The following DNM3 variants were observed in gnomAD, a reference collection of about 807,000 sequenced individuals.
The protein encoded by DNM3 is dynamin 3.
In DNM3, 47 loss-of-function variants were observed where a neutral mutation model predicts 101.6. The ratio of observed to expected loss-of-function variants is 0.46; its 90% CI spans 0.37 to 0.59. DNM3 has a LOEUF of 0.59. Among genes scored for constraint, DNM3 ranks in the 20% least tolerant of loss-of-function variants. The pLI is 0.00. For missense variants in DNM3, 849 were observed against 1,085.7 expected (o/e 0.78, Z 3.06); for synonymous variants, 385 against 387.9 (o/e 0.99, Z 0.09).
At chr1:171,973,444 AT>A (rs1406694814) in intron 2 of DNM3, among the ~76,000 whole-genome samples, 1 of 152,036 alleles carries the variant, frequency 6.6e-6, no homozygotes, top group Non-Finnish European at 1.5e-5. Flanking sequence ...AAATGCCTTC[AT>A]TCATATATTC....
intron 6 of DNM3, among the ~76,000 whole-genome samples, chr1:172,034,218 T>C (rs1422912737): frequency 6.6e-6 from 1 of 152,148 alleles, no homozygotes; most frequent in East Asian, 1.9e-4. Flanking sequence ...TACAGACTAT[T>C]GTAAAGTTTA....
chr1:172,367,869 A>G (rs1389032932), intron 17 of DNM3, among the ~76,000 whole-genome samples: 1 of 151,770 alleles, frequency 6.6e-6, no homozygotes, highest in Non-Finnish European at 1.5e-5. Flanking sequence ...CTTGGGAGGG[A>G]CCTGGTAGAA....
At chr1:172,197,247 A>T (rs933791246) in intron 14 of DNM3, among the ~76,000 whole-genome samples, 1 of 151,624 alleles carries the variant, frequency 6.6e-6, no homozygotes, top group African/African-American at 2.4e-5. Context: ...CTGGCTTTCT[A>T]TTCTGTTCCA....
intron 14 of DNM3, among the ~76,000 whole-genome samples, chr1:172,210,341 CT>C (rs2060472792): frequency 1.4e-5 from 1 of 73,364 alleles, no homozygotes; most frequent in Non-Finnish European, 2.6e-5. Context: ...TTTTTTTTGC[CT>C]GTTTGCGTTC....
intron 18 of DNM3, among the ~76,000 whole-genome samples, chr1:172,381,319 G>A (rs960928214): frequency 6.6e-6 from 1 of 152,038 alleles, no homozygotes; most frequent in Non-Finnish European, 1.5e-5. Flanking sequence ...TAATAGGAAT[G>A]TGGAGAAGGC....
In DNM3 at chr1:172,387,191, A is replaced by T. The variant is rs2069231162; in HGVS notation, c.2117A>T (p.Asn706Ile). 1.2e-6 allele frequency: 2 copies of T among 1,613,884 alleles called. No homozygotes were observed. The highest frequency in any genetic ancestry group is 2.2e-5 in the South Asian group (2 of 91,080). ...CAGTTGTATTCTTCAGAGGACCAAAATACCCTGATGGAGGAATCTGCTGAG... is the reference window on the plus strand; with the variant it reads ...CAGTTGTATTCTTCAGAGGACCAAATTACCCTGATGGAGGAATCTGCTGAG... ...LAQLYSSEDQNTLMEESAEQA... is the reference protein window; with the variant it reads ...LAQLYSSEDQITLMEESAEQA... The change falls in exon 19 of 21, where the codon AAT (asparagine) becomes ATT (isoleucine). Residue 706 changes from asparagine to isoleucine, a missense_variant. Around this residue, in one of 5 missense-constraint regions of DNM3, gnomAD observed 256 missense variants for 311.7 expected, o/e 0.82. Transcript: ENST00000627582.
intron 20 of DNM3, among the ~76,000 whole-genome samples, chr1:172,398,564 G>T (rs903569558): frequency 1.3e-5 from 2 of 152,114 alleles, no homozygotes; most frequent in Non-Finnish European, 2.9e-5. Context: ...CATCCTTTCA[G>T]TAATGTTTAC....
chr1:172,091,797 G>A (rs2053928388), intron 12 of DNM3, among the ~76,000 whole-genome samples: 1 of 152,176 alleles, frequency 6.6e-6, no homozygotes, highest in African/African-American at 2.4e-5. Context: ...TCTGGTGTCT[G>A]TTAAGAATAG....
chr1:172,191,574 G>A (rs2059725187), intron 14 of DNM3, among the ~76,000 whole-genome samples: 1 of 152,118 alleles, frequency 6.6e-6, no homozygotes, highest in East Asian at 1.9e-4. Context: ...TAGCTTGATA[G>A]GGATGGCATT....
In DNM3 at chr1:171,988,993, T is replaced by C. The variant is rs771642076; in HGVS notation, c.434T>C (p.Val145Ala). 31 of 1,606,480 alleles carry C rather than the reference T, an allele frequency of 1.9e-5. No homozygotes were observed. Among genetic ancestry groups the C allele is most frequent in the Non-Finnish European group, 5.1e-6 (6 of 1,176,144 alleles). ...IDLPGITKVP[V>A]GDQPPDIEYQ... ...CTACCTGGAATAACTAAAGTGCCTG[T>C]GGGAGATCAGCCACCAGATATCGAG... Residue 145 changes from valine to alanine, a missense_variant, in exon 4 of 21, where the codon GTG (valine) becomes GCG (alanine). Val to Ala is a moderately conservative substitution (Grantham distance 64). Around this residue, in one of 5 missense-constraint regions of DNM3, gnomAD observed 388 missense variants for 483.0 expected, o/e 0.80. Coordinates refer to ENST00000627582, the MANE Select transcript of DNM3 (RefSeq NM_015569.5).
At chr1:172,043,010 C>A (rs2049502602) in intron 8 of DNM3, among the ~76,000 whole-genome samples, 1 of 152,070 alleles carries the variant, frequency 6.6e-6, no homozygotes, top group South Asian at 2.1e-4. Flanking sequence ...ATTTTACAGG[C>A]CCCCTTGAAG....
chr1:172,085,682 T>G (rs200870294), intron 12 of DNM3, among the ~76,000 whole-genome samples: 1 of 152,172 alleles, frequency 6.6e-6, no homozygotes, highest in Admixed American at 6.5e-5. Context: ...CCATGAAAAT[T>G]CTATGGGTCT....
At chr1:172,275,586 A>G (rs545095633) in intron 15 of DNM3, among the ~76,000 whole-genome samples, 5 of 152,092 alleles carry the variant, frequency 3.3e-5, no homozygotes, top group East Asian at 3.9e-4. Flanking sequence ...ACCAGAGATG[A>G]TTATTAATTT....
At chr1:171,894,815 C>T (rs1242765301) in intron 1 of DNM3, among the ~76,000 whole-genome samples, 2 of 152,112 alleles carry the variant, frequency 1.3e-5, no homozygotes, top group Non-Finnish European at 2.9e-5. Flanking sequence ...CAATTTCCCA[C>T]CTATGAGTGA....
chr1:171,998,120 G>A (rs7556139), intron 4 of DNM3, among the ~76,000 whole-genome samples: 5 of 152,114 alleles, frequency 3.3e-5, no homozygotes, highest in Admixed American at 6.6e-5. Context: ...GCCTGTCTCA[G>A]ATGCCAATAG....
intron 20 of DNM3, among the ~76,000 whole-genome samples, chr1:172,396,567 C>A (rs1236378342): frequency 6.6e-6 from 1 of 152,186 alleles, no homozygotes; most frequent in East Asian, 1.9e-4. Flanking sequence ...TACACCACCA[C>A]AGGAGAATCC....
chr1:171,948,466 G>C (rs574874189), intron 2 of DNM3, among the ~76,000 whole-genome samples: 1 of 150,228 alleles, frequency 6.7e-6, no homozygotes, highest in Non-Finnish European at 1.5e-5. Context: ...GAGAATGGAA[G>C]GGTGATATTG....
intron 14 of DNM3, among the ~76,000 whole-genome samples, chr1:172,210,542 T>G (rs1025183903): frequency 1.3e-5 from 2 of 151,956 alleles, no homozygotes; most frequent in Non-Finnish European, 2.9e-5. Flanking sequence ...TTAAGATGCC[T>G]AAAGAGCAAG....
intron 17 of DNM3, among the ~76,000 whole-genome samples, chr1:172,338,377 T>C (rs1234530158): frequency 6.6e-6 from 1 of 152,212 alleles, no homozygotes; most frequent in Non-Finnish European, 1.5e-5. Context: ...CCATAGCCTT[T>C]GATTTTACTG....
Sources: gnomAD v4.1 joint callset for allele counts (sites outside exome capture counted in the v4.1 genomes callset) on GRCh38, gnomAD v4.1.1 for gene constraint, gnomAD v4.1.1 regional missense constraint, MANE v1.5 for transcripts, NCBI Gene and HGNC (gene_info 2026-07-23, HGNC 2026-07-21) for gene names.